The following DLGAP1 variants were observed in gnomAD, a reference collection of about 807,000 sequenced individuals.
DLGAP1 encodes DLG associated protein 1, also known as disks large-associated protein 1.
Under a neutral mutation model 90.8 loss-of-function variants are expected in DLGAP1, and 11 were observed. That is an observed-to-expected ratio of 0.12 (90% confidence interval 0.08 to 0.20). The LOEUF (loss-of-function observed/expected upper bound fraction) is 0.20, where lower values mean the gene tolerates loss of function less well. DLGAP1 is among the 10% of genes least tolerant of loss of function. The pLI is 1.00. For synonymous variants in DLGAP1, 558 were observed against 540.7 expected (o/e 1.03, Z -0.44); for missense variants, 1,050 against 1,333.8 (o/e 0.79, Z 3.31).
At position 3,727,062 on chromosome 18, in the gene DLGAP1, A is replaced by G. The variant is rs2062210505; in HGVS notation, c.1591+2073T>C. 1.3e-5 allele frequency among the ~76,000 whole-genome samples: 2 copies of G among 152,236 alleles called. No individual in the cohort carries two copies. The highest frequency in any genetic ancestry group is 4.1e-4 in the South Asian group (2 of 4,834). On this transcript the variant is annotated intron_variant, in intron 7 of 12. Coordinates refer to ENST00000315677, the MANE Select transcript of DLGAP1 (RefSeq NM_004746.4). The surrounding 1 kb of genome is among the most constrained non-coding windows in gnomAD (Gnocchi z 4.7). ...TCTCCTGCCCTGATAGGCTTGTTGG[A>G]TTTTAGAAAAATACTACAAACATGA...
intron 6 of DLGAP1, among the ~76,000 whole-genome samples, 180 bp downstream of exon 6, chr18:3,742,155 C>G (rs575774339): frequency 6.6e-6 from 1 of 152,246 alleles, no homozygotes; most frequent in East Asian, 1.9e-4. Context: ...CCATTGATAC[C>G]GGGGGCTTAC....
At chr18:3,613,283 A>AT (rs2057715830) in intron 7 of DLGAP1, among the ~76,000 whole-genome samples, 2 of 152,322 alleles carry the variant, frequency 1.3e-5, no homozygotes, top group Admixed American at 1.3e-4. Flanking sequence ...GGAAAAAAAA[A>AT]GTTAGCATTC....
intron 1 of DLGAP1, among the ~76,000 whole-genome samples, chr18:4,283,222 G>GA (rs1213574384): frequency 6.6e-6 from 1 of 152,166 alleles, no homozygotes; most frequent in Admixed American, 6.6e-5. Context: ...GCTGATTTCT[G>GA]AGAGTCACTT....
intron 7 of DLGAP1, among the ~76,000 whole-genome samples, chr18:3,669,999 T>A (rs62083221): frequency 0.16 from 24,228 of 152,078 alleles, 2,115 homozygotes; most frequent in South Asian, 0.24. Context: ...GTATGCGTAG[T>A]GAGGCACTGA....
At chr18:3,760,602 G>C (rs2063921918) in intron 5 of DLGAP1, among the ~76,000 whole-genome samples, 1 of 152,128 alleles carries the variant, frequency 6.6e-6, no homozygotes, top group African/African-American at 2.4e-5. Context: ...GTCTGTGTGA[G>C]AACGCGGTCA....
intron 3 of DLGAP1, 200 bp downstream of exon 3, chr18:4,004,915 TG>T (rs2074270720): frequency 7.5e-6 from 1 of 133,598 alleles, no homozygotes; most frequent in Non-Finnish European, 1.5e-5. Context: ...AGGGTGTGTG[TG>T]TGTGTGTGTG....
At chr18:3,750,369 C>A (rs1414291809) in intron 5 of DLGAP1, among the ~76,000 whole-genome samples, 1 of 152,316 alleles carries the variant, frequency 6.6e-6, no homozygotes, top group South Asian at 2.1e-4. Flanking sequence ...CAGCCCACTG[C>A]TGATAGGCAC....
intron 1 of DLGAP1, among the ~76,000 whole-genome samples, chr18:4,162,126 C>A (rs531699129): frequency 6.6e-6 from 1 of 152,142 alleles, no homozygotes; most frequent in East Asian, 1.9e-4. Context: ...GATTCCTGCA[C>A]CCCTGGAGCT....
chr18:4,272,366 G>C (rs1044686469), intron 1 of DLGAP1, among the ~76,000 whole-genome samples: 3 of 152,098 alleles, frequency 2.0e-5, no homozygotes, highest in African/African-American at 7.2e-5. Flanking sequence ...TTAAAGCCAG[G>C]AGAGATTTTT....
chr18:3,648,034 G>T (rs983081666), intron 7 of DLGAP1, among the ~76,000 whole-genome samples: 1 of 152,180 alleles, frequency 6.6e-6, no homozygotes, highest in African/African-American at 2.4e-5. Context: ...AATTAAATTT[G>T]CTTCTCTATC....
intron 4 of DLGAP1, among the ~76,000 whole-genome samples, chr18:3,838,039 A>G (rs2068504722): frequency 6.6e-6 from 1 of 152,072 alleles, no homozygotes; most frequent in South Asian, 2.1e-4. Context: ...GGAGCCACAG[A>G]ATTCAACAAT....
intron 2 of DLGAP1, among the ~76,000 whole-genome samples, chr18:4,120,783 T>TCC (rs1244987321): frequency 7.4e-6 from 1 of 135,962 alleles, no homozygotes; most frequent in Non-Finnish European, 1.5e-5. Context: ...TTTCTCTCTC[T>TCC]CCCTCTCCCT....
chr18:3,916,910 G>C (rs2072157192), intron 3 of DLGAP1, among the ~76,000 whole-genome samples: 1 of 152,216 alleles, frequency 6.6e-6, no homozygotes, highest in South Asian at 2.1e-4. Flanking sequence ...ATTTATGATG[G>C]TTTGGTGTAG....
rs1417644378 is a variant in DLGAP1 at position 3,637,848 on chromosome 18, T to C, written c.1592-55600A>G. Among the ~76,000 whole-genome samples, 4 of 151,912 alleles carry C rather than the reference T, an allele frequency of 2.6e-5. 1 individual carries two copies. The highest frequency in any genetic ancestry group is 9.7e-5 in the African/African-American group (4 of 41,332). On this transcript the variant is annotated intron_variant, in intron 7 of 12. Coordinates refer to ENST00000315677, the MANE Select transcript of DLGAP1 (RefSeq NM_004746.4). Reference sequence around the variant, plus strand: ...ATTCCAAATATATTAGAAAGACTAATGCCTGACTTACGTTTCTTTGGCACC... The same window carrying C: ...ATTCCAAATATATTAGAAAGACTAACGCCTGACTTACGTTTCTTTGGCACC...
intron 2 of DLGAP1, among the ~76,000 whole-genome samples, chr18:4,040,376 T>C (rs2074956384): frequency 6.6e-6 from 1 of 152,240 alleles, no homozygotes; most frequent in Admixed American, 6.5e-5. Context: ...TATTTTATTG[T>C]TGATGAAACT....
chr18:3,942,379 A>T (rs1166066324), intron 3 of DLGAP1, among the ~76,000 whole-genome samples: 1 of 152,238 alleles, frequency 6.6e-6, no homozygotes, highest in African/African-American at 2.4e-5. Flanking sequence ...GTCTGACTGC[A>T]CAGTCGGAGC....
intron 2 of DLGAP1, among the ~76,000 whole-genome samples, chr18:4,040,947 G>A (rs1568365414): frequency 6.6e-6 from 1 of 152,146 alleles, no homozygotes; most frequent in African/African-American, 2.4e-5. Flanking sequence ...AGAGAGACCC[G>A]GCATTAACAT....
chr18:4,152,143 C>T (rs1015218516), intron 1 of DLGAP1, among the ~76,000 whole-genome samples: 1 of 152,108 alleles, frequency 6.6e-6, no homozygotes, highest in African/African-American at 2.4e-5. Context: ...CTGGGTCACA[C>T]AGAAAACTGA....
At chr18:3,621,957 C>T (rs1344247617) in intron 7 of DLGAP1, among the ~76,000 whole-genome samples, 1 of 152,016 alleles carries the variant, frequency 6.6e-6, no homozygotes, top group East Asian at 1.9e-4. Context: ...CAGAGTGAGA[C>T]CCTATCTCTA....
Sources: gnomAD v4.1 joint callset for allele counts (sites outside exome capture counted in the v4.1 genomes callset) on GRCh38, gnomAD v4.1.1 for gene constraint, Gnocchi (gnomAD v3.1) non-coding constraint, MANE v1.5 for transcripts, NCBI Gene and HGNC (gene_info 2026-07-23, HGNC 2026-07-21) for gene names.